The following ZNF385D variants were observed in gnomAD, a reference collection of about 807,000 sequenced individuals.
The protein encoded by ZNF385D is zinc finger protein 385D, also known as zinc finger protein 659.
Under a neutral mutation model 35.8 loss-of-function variants are expected in ZNF385D, and 15 were observed. That is an observed-to-expected ratio of 0.42 (90% confidence interval 0.28 to 0.64). The LOEUF is 0.64. ZNF385D is among the 30% of genes least tolerant of loss of function. ZNF385D has a pLI of 0.23. For missense variants in ZNF385D, 474 were observed against 494.6 expected (o/e 0.96, Z 0.39); for synonymous variants, 212 against 186.8 (o/e 1.13, Z -1.10).
At position 22,082,204 on chromosome 3, in the gene ZNF385D, A is replaced by C. The variant is rs140056559; in HGVS notation, c.325+86613T>G. Among the ~76,000 whole-genome samples the C allele has an allele frequency of 1.1e-4, 16 of 152,142 alleles. No homozygotes were observed. The East Asian group carries it at 3.1e-3, about 29-fold the overall frequency. On this transcript the variant is annotated intron_variant, in intron 3 of 5. Coordinates refer to the ZNF385D transcript ENST00000494108. ...GGTTTATCTCACTGGGACAGGTTGG[A>C]CAGTGGATGCAGCCCACGGAGGGTG...
At chr3:22,131,695 G>A (rs1403377450) in intron 3 of ZNF385D, among the ~76,000 whole-genome samples, 1 of 152,158 alleles carries the variant, frequency 6.6e-6, no homozygotes, top group Non-Finnish European at 1.5e-5. Context: ...TATGACTACA[G>A]ATCCAGGCAG....
At chr3:22,232,069 CTT>C (rs1369690740) in intron 2 of ZNF385D, among the ~76,000 whole-genome samples, 2 of 152,124 alleles carry the variant, frequency 1.3e-5, no homozygotes, top group African/African-American at 4.8e-5. Flanking sequence ...AATTAAAACT[CTT>C]TTCTTTATAA....
At chr3:22,173,495 T>A (rs1417125714) in intron 2 of ZNF385D, among the ~76,000 whole-genome samples, 1 of 152,144 alleles carries the variant, frequency 6.6e-6, no homozygotes, top group East Asian at 1.9e-4. Context: ...TTTTTAAAAT[T>A]TGGAAAATAG....
At chr3:22,303,173 A>T (rs916789972) in intron 2 of ZNF385D, among the ~76,000 whole-genome samples, 21 of 152,302 alleles carry the variant, frequency 1.4e-4, no homozygotes, top group Non-Finnish European at 3.1e-4. Flanking sequence ...TGTTGCCTAG[A>T]ATGAAGACAA....
At chr3:22,073,760 A>T (rs914913215) in intron 3 of ZNF385D, among the ~76,000 whole-genome samples, 2 of 152,012 alleles carry the variant, frequency 1.3e-5, no homozygotes, top group African/African-American at 4.8e-5. Context: ...TGAAGAATAC[A>T]TTTGGATGCT....
At chr3:21,785,948 T>C (rs970701697) in intron 3 of ZNF385D, among the ~76,000 whole-genome samples, 25 of 152,102 alleles carry the variant, frequency 1.6e-4, no homozygotes, top group African/African-American at 5.6e-4. Flanking sequence ...AAGCTTGACC[T>C]TGGTGTGAGA....
intron 3 of ZNF385D, among the ~76,000 whole-genome samples, chr3:22,046,365 C>T (rs1699006810): frequency 6.6e-6 from 1 of 152,066 alleles, no homozygotes; most frequent in Non-Finnish European, 1.5e-5. Context: ...GAGACATTCT[C>T]TGAAAAAGAA....
chr3:22,159,789 T>C lies in ZNF385D; in HGVS notation c.325+9028A>G, dbSNP rs541324537. ...AACAAGAATACAGTGTCTTATTATATATTTTTGAACAATTTAATATCTGCA... is the reference window on the plus strand; with the variant it reads ...AACAAGAATACAGTGTCTTATTATACATTTTTGAACAATTTAATATCTGCA... On this transcript the variant is annotated intron_variant, in intron 3 of 5. Transcript: ENST00000494108. Among the ~76,000 whole-genome samples, 6 of 152,280 alleles carry C rather than the reference T, an allele frequency of 3.9e-5. No individual in the cohort carries two copies. In the South Asian group the frequency reaches 1.2e-3, roughly 32 times the overall value.
intron 2 of ZNF385D, among the ~76,000 whole-genome samples, chr3:21,591,022 T>TTGTC (rs1402265995): frequency 6.6e-6 from 1 of 151,706 alleles, no homozygotes; most frequent in Non-Finnish European, 1.5e-5. Flanking sequence ...TAGCAAGACC[T>TTGTC]TGTCTCCCCA....
chr3:21,964,341 C>T (rs1332890545), intron 3 of ZNF385D, among the ~76,000 whole-genome samples: 2 of 145,130 alleles, frequency 1.4e-5, no homozygotes, highest in Non-Finnish European at 3.0e-5. Flanking sequence ...AAAGAAAAAT[C>T]CCTGAGCTCT....
At chr3:21,425,246 C>A (rs958525436) in intron 6 of ZNF385D, among the ~76,000 whole-genome samples, 1 of 152,122 alleles carries the variant, frequency 6.6e-6, no homozygotes, top group Non-Finnish European at 1.5e-5. Context: ...AACTCACAGC[C>A]AACAATTTCT....
chr3:21,857,086 G>A (rs1279999962), intron 3 of ZNF385D, among the ~76,000 whole-genome samples: 1 of 151,952 alleles, frequency 6.6e-6, no homozygotes, highest in Non-Finnish European at 1.5e-5. Context: ...CCTCACCGCA[G>A]TATTTAAAAC....
intron 3 of ZNF385D, among the ~76,000 whole-genome samples, chr3:21,989,638 G>C (rs886665644): frequency 6.6e-6 from 1 of 151,886 alleles, no homozygotes; most frequent in Admixed American, 6.6e-5. Flanking sequence ...AACACTGGAT[G>C]CATGTTCTTA....
At chr3:21,871,685 A>C in intron 3 of ZNF385D, among the ~76,000 whole-genome samples, 1 of 152,104 alleles carries the variant, frequency 6.6e-6, no homozygotes, top group East Asian at 1.9e-4. Flanking sequence ...GTTTTCTTTA[A>C]GAAAACTGAA....
chr3:22,083,378 A>T (rs1267735426), intron 3 of ZNF385D, among the ~76,000 whole-genome samples: 2 of 152,200 alleles, frequency 1.3e-5, no homozygotes, highest in African/African-American at 4.8e-5. Flanking sequence ...CAGCATAGAG[A>T]AGACCTTAAA....
intron 2 of ZNF385D, among the ~76,000 whole-genome samples, chr3:22,240,653 A>G (rs1282580938): frequency 1.3e-5 from 2 of 150,994 alleles, no homozygotes; most frequent in African/African-American, 4.9e-5. Flanking sequence ...CAATTGACCC[A>G]CAATTGCTGC....
chr3:21,460,079 T>C (rs112717719), intron 4 of ZNF385D, among the ~76,000 whole-genome samples: 2 of 152,334 alleles, frequency 1.3e-5, no homozygotes, highest in Admixed American at 6.5e-5. Flanking sequence ...GCTTGCTCTT[T>C]AGTGTCCATG....
At chr3:22,012,309 G>A (rs760278016) in intron 3 of ZNF385D, among the ~76,000 whole-genome samples, 1 of 152,096 alleles carries the variant, frequency 6.6e-6, no homozygotes, top group Admixed American at 6.5e-5. Context: ...CAAGTATGGA[G>A]TCTACTAACA....
chr3:21,772,121 G>A (rs538007754), intron 3 of ZNF385D, among the ~76,000 whole-genome samples: 15 of 151,808 alleles, frequency 9.9e-5, no homozygotes, highest in Non-Finnish European at 8.8e-5. Context: ...GAAATATAAC[G>A]CTTCTAGAAG....
Sources: gnomAD v4.1 joint callset for allele counts (sites outside exome capture counted in the v4.1 genomes callset) on GRCh38, gnomAD v4.1.1 for gene constraint, MANE v1.5 for transcripts, NCBI Gene and HGNC (gene_info 2026-07-23, HGNC 2026-07-21) for gene names.